The following EEF2K variants were observed in gnomAD, a reference collection of about 807,000 sequenced individuals.
EEF2K encodes the protein alternative protein EEF2K.
EEF2K carries 70 observed loss-of-function variants against 93.8 expected under a neutral mutation model. The observed-to-expected ratio is 0.75, with a 90% confidence interval of 0.62 to 0.91. The LOEUF (loss-of-function observed/expected upper bound fraction) is 0.91, where lower values mean the gene tolerates loss of function less well. Ranked by LOEUF, EEF2K falls within the 40% of genes least tolerant of loss-of-function variation. The probability of loss-of-function intolerance (pLI) is 0.00; values close to 1 mark genes in which losing one functional copy is unlikely to be tolerated. For missense variants in EEF2K, 935 were observed against 972.9 expected (o/e 0.96, Z 0.52); for synonymous variants, 376 against 380.8 (o/e 0.99, Z 0.15).
At chr16:22,260,383 A>AC in intron 10 of EEF2K, 79 bp from the exon 11 acceptor site, 1 of 1,484,818 alleles carries the variant, frequency 6.7e-7, no homozygotes, top group Non-Finnish European at 9.2e-7. Context: ...GCAGGTATGG[A>AC]CCGCCCTAGG....
intron 2 of EEF2K, among the ~76,000 whole-genome samples, chr16:22,228,927 A>ATACT (rs1567265479): frequency 6.6e-6 from 1 of 152,146 alleles, no homozygotes; most frequent in Non-Finnish European, 1.5e-5. Flanking sequence ...TAAATAACCT[A>ATACT]TACTTAATGT....
intron 1 of EEF2K, among the ~76,000 whole-genome samples, chr16:22,221,997 G>A (rs761371280): frequency 1.3e-5 from 2 of 152,040 alleles, no homozygotes; most frequent in Non-Finnish European, 2.9e-5. Context: ...TTGAACCTGG[G>A]AGGCAGAGCT....
chr16:22,273,714 G>C lies in EEF2K; in HGVS notation c.1853G>C (p.Arg618Pro), dbSNP rs1332606509. ...AGGCAGTCCATGATCCTAGTGGCGCGAGCTTTTGACTCTGGCCAGAACCTC... is the reference window on the plus strand; with the variant it reads ...AGGCAGTCCATGATCCTAGTGGCGCCAGCTTTTGACTCTGGCCAGAACCTC... Reference protein sequence around the residue: ...GDRQSMILVARAFDSGQNLSP... With the variant: ...GDRQSMILVAPAFDSGQNLSP... The change falls in exon 16 of 18, where the codon CGA (arginine) becomes CCA (proline). Residue 618 changes from arginine (R) to proline (P), a missense_variant. Coordinates refer to ENST00000263026, the MANE Select transcript of EEF2K (RefSeq NM_013302.5). The C allele has an allele frequency of 6.2e-7, 1 of 1,613,906 alleles. No individual in the cohort carries two copies. The highest frequency in any genetic ancestry group is 8.5e-7 in the Non-Finnish European group (1 of 1,179,982).
intron 16 of EEF2K, among the ~76,000 whole-genome samples, chr16:22,279,503 T>C (rs2047672723): frequency 6.6e-6 from 1 of 152,182 alleles, no homozygotes; most frequent in Non-Finnish European, 1.5e-5. Context: ...TGTGTAATAA[T>C]CACATCAGGA....
At chr16:22,243,898 C>T (rs576028453) in intron 2 of EEF2K, among the ~76,000 whole-genome samples, 2 of 124,798 alleles carry the variant, frequency 1.6e-5, no homozygotes, top group African/African-American at 6.3e-5. Context: ...ACTCCAGCCT[C>T]GGCGACAAAG....
At chr16:22,263,270 G>A in intron 12 of EEF2K, 83 bp downstream of exon 12, 3 of 1,292,542 alleles carry the variant, frequency 2.3e-6, no homozygotes, top group Non-Finnish European at 3.2e-6. Context: ...CCTTCCTGGA[G>A]GGGGAATATG....
chr16:22,253,963 G>T (rs1433231935), intron 6 of EEF2K, among the ~76,000 whole-genome samples: 1 of 152,088 alleles, frequency 6.6e-6, no homozygotes, highest in Non-Finnish European at 1.5e-5. Flanking sequence ...GCTGGGCATG[G>T]TGGTGCACGC....
intron 2 of EEF2K, among the ~76,000 whole-genome samples, chr16:22,244,372 T>C (rs1286096148): frequency 2.0e-5 from 3 of 151,856 alleles, no homozygotes; most frequent in Non-Finnish European, 4.4e-5. Flanking sequence ...AATGGTATCC[T>C]ATTTTCATTC....
chr16:22,236,934 CTTTTTTT>C (rs71151665), intron 2 of EEF2K, among the ~76,000 whole-genome samples: 2 of 56,226 alleles, frequency 3.6e-5, no homozygotes, highest in East Asian at 1.5e-3. Flanking sequence ...CCACAGACCT[CTTTTTTT>C]TTTTTTTTTT....
rs778479333 is a variant in EEF2K at position 22,266,363 on chromosome 16, C to G, written c.1441-27C>G. On this transcript the variant is annotated intron_variant, in intron 13 of 17. Transcript: ENST00000263026. ...TGCTGCGTCCACCCCCAGCCCCTCG[C>G]TTCCCTGGCCGGTTCTTTCCCTTCA... 1.2e-5 allele frequency: 19 copies of G among 1,601,810 alleles called. No homozygotes were observed. In the East Asian group the frequency reaches 3.6e-4, roughly 30 times the overall value.
chr16:22,262,547 T>C (rs1185540446), intron 11 of EEF2K, among the ~76,000 whole-genome samples: 1 of 152,148 alleles, frequency 6.6e-6, no homozygotes, highest in African/African-American at 2.4e-5. Context: ...GGTTGAGGGC[T>C]TATTTGTATT....
intron 1 of EEF2K, among the ~76,000 whole-genome samples, chr16:22,219,993 T>C (rs28757598): frequency 0.023 from 3,548 of 152,258 alleles, 144 homozygotes; most frequent in African/African-American, 0.08. Context: ...ACACAGTCCT[T>C]CTTATATCCC....
chr16:22,208,918 A>G (rs1175602552), intron 1 of EEF2K, among the ~76,000 whole-genome samples: 1 of 152,020 alleles, frequency 6.6e-6, no homozygotes, highest in Non-Finnish European at 1.5e-5. Flanking sequence ...ATGAAATGTG[A>G]GTGTGTCCAT....
At chr16:22,249,477 G>A (rs2047327802) in intron 4 of EEF2K, among the ~76,000 whole-genome samples, 1 of 152,090 alleles carries the variant, frequency 6.6e-6, no homozygotes, top group Admixed American at 6.6e-5. Context: ...TCAACAAACA[G>A]AAGGCAACCA....
In EEF2K at chr16:22,225,781, T is replaced by A; in HGVS notation, c.52T>A (p.Ser18Thr). The change falls in exon 2 of 18, where the codon TCC becomes ACC. Residue 18 changes from serine to threonine, a missense_variant. Ser to Thr is a moderately conservative substitution (Grantham distance 58). Coordinates refer to ENST00000263026, the MANE Select transcript of EEF2K (RefSeq NM_013302.5). ...FRLEGVDGGQ[S>T]PRAGHDGDSD... is the part of the protein sequence containing the mutation. ...CCTGGAAGGCGTTGATGGCGGCCAG[T>A]CCCCCCGAGCTGGCCATGATGGTGA... is the stretch of plus-strand genomic sequence containing the variant. 3.1e-6 allele frequency: 5 copies of A among 1,614,042 alleles called. No homozygotes were observed. The highest frequency in any genetic ancestry group is 4.2e-6 in the Non-Finnish European group (5 of 1,180,006).
intron 2 of EEF2K, among the ~76,000 whole-genome samples, chr16:22,227,814 T>A (rs2047077839): frequency 6.6e-6 from 1 of 151,838 alleles, no homozygotes; most frequent in Admixed American, 6.6e-5. Flanking sequence ...ATAGCTATCT[T>A]GGCTGGGCAC....
intron 15 of EEF2K, among the ~76,000 whole-genome samples, chr16:22,270,422 G>T (rs993011871): frequency 1.3e-5 from 2 of 151,950 alleles, no homozygotes; most frequent in Non-Finnish European, 2.9e-5. Flanking sequence ...ACCATGCCCA[G>T]CCTAATTTTT....
chr16:22,260,437 A>C, intron 10 of EEF2K, 25 bp from the exon 11 acceptor site: 1 of 1,614,004 alleles, frequency 6.2e-7, no homozygotes, highest in Non-Finnish European at 8.5e-7. Flanking sequence ...GAACCAGGAC[A>C]TGATGTCTGT....
chr16:22,249,024 C>G (rs574446428), intron 4 of EEF2K, among the ~76,000 whole-genome samples: 2 of 147,176 alleles, frequency 1.4e-5, no homozygotes, highest in South Asian at 2.1e-4. Context: ...CCCAGGAGCA[C>G]AGTGGCACAG....
Sources: allele counts gnomAD v4.1 joint callset (sites outside exome capture counted in the v4.1 genomes callset), GRCh38; gene constraint gnomAD v4.1.1; transcripts MANE v1.5; gene names NCBI Gene and HGNC (gene_info 2026-07-23, HGNC 2026-07-21).